Variants in PTPRD observed in about 807,000 individuals in gnomAD.
PTPRD encodes receptor-type tyrosine-protein phosphatase delta.
PTPRD carries 34 observed loss-of-function variants against 214.5 expected under a neutral mutation model. The ratio of observed to expected loss-of-function variants is 0.16; its 90% CI spans 0.12 to 0.21. The LOEUF (loss-of-function observed/expected upper bound fraction) is 0.21. PTPRD is among the 10% of genes least tolerant of loss of function. The pLI is 1.00. For synonymous variants in PTPRD, 1,128 were observed against 845.7 expected, an observed-to-expected ratio of 1.33 and a Z score of -5.79; for missense variants, 2,545 against 2,398.7, an observed-to-expected ratio of 1.06 and a Z score of -1.27.
chr9:8,598,288 T>C, intron 14 of PTPRD, among the ~76,000 whole-genome samples: 1 of 151,974 alleles, frequency 6.6e-6, no homozygotes, highest in Non-Finnish European at 1.5e-5. Flanking sequence ...CCTGTCTCTA[T>C]TAAAAATATG....
intron 35 of PTPRD, among the ~76,000 whole-genome samples, chr9:8,430,189 T>C (rs373225783): frequency 3.9e-5 from 6 of 152,196 alleles, no homozygotes; most frequent in Admixed American, 1.3e-4. Context: ...GAGGACCACA[T>C]TGGGAACTAG....
rs563474780 is a variant in PTPRD, at chr9:8,790,851, T to C, written c.-103-56905A>G. Among the ~76,000 whole-genome samples the C allele has an allele frequency of 1.6e-4, 25 of 152,226 alleles. No individual in the cohort carries two copies. The South Asian group carries it at 5.0e-3, about 30-fold the overall frequency. On this transcript the variant is annotated intron_variant, in intron 11 of 45. Transcript: ENST00000381196. The stretch of plus-strand genomic sequence containing the variant: ...TGCTATCCAAAGCTATTTAAATTAA[T>C]TTAAAATTAAAAGTAAAAATTCGGT...
intron 2 of PTPRD, among the ~76,000 whole-genome samples, chr9:10,413,030 G>T (rs2098453257): frequency 3.3e-5 from 5 of 151,888 alleles, no homozygotes. Context: ...AAACCTGAAA[G>T]CTTTCCCCTT....
chr9:8,331,782 G>A (rs2131664745), intron 43 of PTPRD, 46 bp from the exon 44 acceptor site: 2 of 1,527,592 alleles, frequency 1.3e-6, no homozygotes, highest in Non-Finnish European at 1.8e-6. Flanking sequence ...AAGACGCCAG[G>A]AGGATTCAGC....
At chr9:9,089,415 G>T (rs1591423832) in intron 10 of PTPRD, among the ~76,000 whole-genome samples, 1 of 152,132 alleles carries the variant, frequency 6.6e-6, no homozygotes, top group South Asian at 2.1e-4. Context: ...TGGGACAATT[G>T]CTCCCCAGAT....
chr9:8,912,440 C>A (rs2154262160), intron 11 of PTPRD, among the ~76,000 whole-genome samples: 1 of 152,210 alleles, frequency 6.6e-6, no homozygotes, highest in South Asian at 2.1e-4. Context: ...TTTATATGAA[C>A]TTTACAGAAA....
At chr9:9,555,877 CAA>C (rs1404341797) in intron 8 of PTPRD, among the ~76,000 whole-genome samples, 2 of 152,046 alleles carry the variant, frequency 1.3e-5, no homozygotes, top group African/African-American at 4.8e-5. Context: ...CCTGAAAGTT[CAA>C]AAGATTGTCC....
At chr9:8,368,434 T>G (rs564984164) in intron 39 of PTPRD, among the ~76,000 whole-genome samples, 136 of 152,260 alleles carry the variant, frequency 8.9e-4, no homozygotes, top group African/African-American at 3.1e-3. Context: ...TGGTGATAGG[T>G]TCTCAGTTGC....
chr9:8,931,788 T>A (rs1388290150), intron 11 of PTPRD, among the ~76,000 whole-genome samples: 1 of 152,154 alleles, frequency 6.6e-6, no homozygotes, highest in Admixed American at 6.5e-5. Flanking sequence ...TGAATCTGTC[T>A]GGTCCTGGTT....
chr9:9,652,537 C>T (rs1256101632), intron 7 of PTPRD, among the ~76,000 whole-genome samples: 1 of 151,988 alleles, frequency 6.6e-6, no homozygotes, highest in Non-Finnish European at 1.5e-5. Flanking sequence ...CTGAAAGGGT[C>T]AGATTGTGAA....
chr9:8,393,940 T>A (rs4742497), intron 36 of PTPRD, among the ~76,000 whole-genome samples: 68,723 of 151,362 alleles, frequency 0.45, 16,107 homozygotes, highest in East Asian at 0.6. Context: ...ACCTGGCTGT[T>A]AATGCAAGCC....
intron 2 of PTPRD, among the ~76,000 whole-genome samples, chr9:10,405,773 A>G (rs2098344236): frequency 6.6e-6 from 1 of 151,528 alleles, no homozygotes; most frequent in South Asian, 2.1e-4. Flanking sequence ...TAACAATAAG[A>G]TGGTTTGGTG....
intron 3 of PTPRD, among the ~76,000 whole-genome samples, chr9:10,240,042 A>T (rs1219699411): frequency 6.6e-6 from 1 of 152,002 alleles, no homozygotes; most frequent in Non-Finnish European, 1.5e-5. Context: ...TGTCGCACAG[A>T]GGGATCAAGA....
chr9:10,307,632 G>T (rs1209644365), intron 3 of PTPRD, among the ~76,000 whole-genome samples: 1 of 151,944 alleles, frequency 6.6e-6, no homozygotes, highest in Non-Finnish European at 1.5e-5. Flanking sequence ...TATCCATACT[G>T]TTTTCCATAA....
intron 39 of PTPRD, among the ~76,000 whole-genome samples, chr9:8,354,146 G>C (rs1180744906): frequency 2.0e-5 from 3 of 151,076 alleles, no homozygotes; most frequent in African/African-American, 7.3e-5. Flanking sequence ...CCAAAACTTA[G>C]AAGTTTAAGA....
At chr9:9,874,505 T>C (rs549609385) in intron 5 of PTPRD, among the ~76,000 whole-genome samples, 18 of 152,286 alleles carry the variant, frequency 1.2e-4, no homozygotes, top group Admixed American at 1.0e-3. Flanking sequence ...AATGTAAGCG[T>C]GCCTTTCACC....
intron 11 of PTPRD, among the ~76,000 whole-genome samples, chr9:8,915,387 C>A (rs766291729): frequency 5.9e-5 from 9 of 152,162 alleles, no homozygotes; most frequent in Non-Finnish European, 8.8e-5. Flanking sequence ...ATGTGATTTA[C>A]AACAAGAGGC....
chr9:10,171,681 C>T (rs1005573981), intron 3 of PTPRD, among the ~76,000 whole-genome samples: 1 of 152,026 alleles, frequency 6.6e-6, no homozygotes, highest in African/African-American at 2.4e-5. Context: ...CCCGCTACCA[C>T]GCCCGGCTAA....
chr9:8,865,157 TTA>T (rs914126433), intron 11 of PTPRD, among the ~76,000 whole-genome samples: 4 of 151,868 alleles, frequency 2.6e-5, no homozygotes, highest in Non-Finnish European at 5.9e-5. Flanking sequence ...CATTCTTTCT[TTA>T]ATCATAATAC....
Sources: gnomAD v4.1 joint callset for allele counts (sites outside exome capture counted in the v4.1 genomes callset) on GRCh38, gnomAD v4.1.1 for gene constraint, MANE v1.5 for transcripts, NCBI Gene and HGNC (gene_info 2026-07-23, HGNC 2026-07-21) for gene names.